Variants in TUBA4B observed in about 807,000 individuals in gnomAD.
TUBA4B encodes the protein tubulin alpha 4b.
In TUBA4B, 13 loss-of-function variants were observed where a neutral mutation model predicts 18.4. The observed-to-expected ratio is 0.71, with a 90% CI of 0.46 to 1.12. TUBA4B has a LOEUF of 1.12. Among genes scored for constraint, TUBA4B ranks in the 50% most tolerant of loss-of-function variants. The pLI is 0.00. For missense variants in TUBA4B, 244 were observed against 250.0 expected, an observed-to-expected ratio of 0.98 and a Z score of 0.16; for synonymous variants, 101 against 99.1, an observed-to-expected ratio of 1.02 and a Z score of -0.11.
At chr2:219,260,976 T>A (rs143009897) in intron 1 of TUBA4B, among the ~76,000 whole-genome samples, 3,784 of 151,638 alleles carry the variant, frequency 0.025, 141 homozygotes, top group African/African-American at 0.082. Context: ...TCTAAAAAAA[T>A]AAATAAATAA....
intron 1 of TUBA4B, among the ~76,000 whole-genome samples, chr2:219,257,641 CAAAAAAAAAAAA>C (rs1158116997): frequency 2.4e-5 from 1 of 41,488 alleles, no homozygotes; most frequent in African/African-American, 8.5e-5. Flanking sequence ...GACACTGTCT[CAAAAAAAAAAAA>C]AAAAAAAAAA....
Position 219,271,690 on chromosome 2 carries a change from C to A in TUBA4B, c.717C>A (p.Thr239=). 6.2e-7 allele frequency: 1 copy of A among 1,613,314 alleles called. No homozygotes were observed. Among genetic ancestry groups the A allele is most frequent in the Non-Finnish European group, 8.5e-7 (1 of 1,179,244 alleles). ...RLPMPALSLP[T]RW Reference sequence around the variant, plus strand: ...CAATGCCTGCTTTGAGCCTGCCAACCAGATGGTGAAGTGTGATCCCCGGCA... The same window carrying A: ...CAATGCCTGCTTTGAGCCTGCCAACAAGATGGTGAAGTGTGATCCCCGGCA... Residue 239 remains threonine (T), a synonymous_variant, in exon 4 of 4, where the codon ACC becomes ACA. Coordinates refer to ENST00000490341, the MANE Select transcript of TUBA4B (RefSeq NM_001355221.1).
chr2:219,266,707 C>T (rs1951792374), intron 2 of TUBA4B, 141 bp downstream of exon 2: 1 of 621,502 alleles, frequency 1.6e-6, no homozygotes, highest in Non-Finnish European at 2.9e-6. Context: ...GGGAAAGAGA[C>T]TTCCAGATGT....
At chr2:219,271,080 G>T in intron 3 of TUBA4B, 86 bp from the exon 4 acceptor site, 1 of 619,504 alleles carries the variant, frequency 1.6e-6, no homozygotes, top group Non-Finnish European at 2.9e-6. Flanking sequence ...TGAAACTTTT[G>T]GGAATTTAAA....
At chr2:219,260,961 C>T (rs1229388112) in intron 1 of TUBA4B, among the ~76,000 whole-genome samples, 1 of 151,824 alleles carries the variant, frequency 6.6e-6, no homozygotes, top group Non-Finnish European at 1.5e-5. Flanking sequence ...AAGAGCGAGA[C>T]TTCATCTAAA....
rs568365719 is a variant in TUBA4B, at chr2:219,255,302, G to A, written c.12+1883G>A. On this transcript the variant is annotated intron_variant, in intron 1 of 3. Transcript: ENST00000490341. Reference sequence around the variant, plus strand: ...TGCCCAGGCTGGAGTGCAATGGCACGATTTCGGCTCACCTCAACACCTGCC... The same window carrying A: ...TGCCCAGGCTGGAGTGCAATGGCACAATTTCGGCTCACCTCAACACCTGCC... 3.9e-5 allele frequency among the ~76,000 whole-genome samples: 6 copies of A among 152,310 alleles called. No individual in the cohort carries two copies. In the East Asian group the frequency reaches 7.7e-4, roughly 20 times the overall value.
At chr2:219,257,254 G>T (rs1406527065) in intron 1 of TUBA4B, among the ~76,000 whole-genome samples, 1 of 150,566 alleles carries the variant, frequency 6.6e-6, no homozygotes, top group Admixed American at 6.6e-5. Context: ...TGTTAGCCAG[G>T]ATGGTCTCGA....
chr2:219,266,845 A>T (rs1951793424), intron 2 of TUBA4B, among the ~76,000 whole-genome samples: 1 of 151,716 alleles, frequency 6.6e-6, no homozygotes, highest in Non-Finnish European at 1.5e-5. Context: ...GTCTGAATTT[A>T]GGTGTGGGGA....
rs1307499321 is a variant in TUBA4B, at chr2:219,266,509, A to G, written c.13-12A>G. 3 of 702,900 alleles carry G rather than the reference A, an allele frequency of 4.3e-6. No homozygotes were observed. The highest frequency in any genetic ancestry group is 2.7e-5 in the East Asian group (1 of 37,284). The allele number at this position is 702,900 out of a possible 1,614,324, so 43.5% of individuals were successfully genotyped here. Reference sequence around the variant, plus strand: ...GCCTCTCACAGATCTATCCCTGCTCACTATCCTGCAGCAGACAGAGAGACA... The same window carrying G: ...GCCTCTCACAGATCTATCCCTGCTCGCTATCCTGCAGCAGACAGAGAGACA... On this transcript the variant is annotated splice_polypyrimidine_tract_variant and intron_variant, in intron 1 of 3. Coordinates refer to ENST00000490341, the MANE Select transcript of TUBA4B (RefSeq NM_001355221.1).
At chr2:219,261,673 C>T (rs1411575904) in intron 1 of TUBA4B, among the ~76,000 whole-genome samples, 1 of 152,198 alleles carries the variant, frequency 6.6e-6, no homozygotes, top group African/African-American at 2.4e-5. Flanking sequence ...TCCCGTTATT[C>T]CTAGATGCCT....
chr2:219,253,848 G>A (rs777818814), intron 1 of TUBA4B: 7 of 1,503,752 alleles, frequency 4.7e-6, no homozygotes, highest in Admixed American at 2.5e-5. Context: ...CGGCCGGGCC[G>A]CACTCACCAT....
Position 219,271,678 on chromosome 2 carries a change from G to A in TUBA4B, c.705G>A (p.Leu235=). The part of the protein sequence containing the change: ...CWWQRLPMPA[L]SLPTRW ...GGCAGAGATTACCAATGCCTGCTTT[G>A]AGCCTGCCAACCAGATGGTGAAGTG... The change falls in exon 4 of 4, where the codon TTG becomes TTA. Residue 235 remains leucine (L), a synonymous_variant. Coordinates refer to ENST00000490341, the MANE Select transcript of TUBA4B (RefSeq NM_001355221.1). 2 of 1,613,552 alleles carry A rather than the reference G, an allele frequency of 1.2e-6. No individual in the cohort carries two copies. Among genetic ancestry groups the A allele is most frequent in the Non-Finnish European group, 1.7e-6 (2 of 1,179,460 alleles).
intron 3 of TUBA4B, among the ~76,000 whole-genome samples, chr2:219,270,734 G>A (rs1290916334): frequency 4.3e-5 from 6 of 140,370 alleles, no homozygotes; most frequent in Admixed American, 3.4e-4. Flanking sequence ...TGGCTTCTAC[G>A]AAGGATGGGG....
intron 1 of TUBA4B, chr2:219,253,883 C>T (rs1011203429): frequency 4.2e-6 from 6 of 1,437,592 alleles, no homozygotes; most frequent in African/African-American, 1.5e-5. Flanking sequence ...GTGCGTCTCA[C>T]GTTGAGTCGG....
intron 2 of TUBA4B, among the ~76,000 whole-genome samples, chr2:219,269,508 A>C (rs758423545): frequency 6.6e-5 from 10 of 152,214 alleles, no homozygotes; most frequent in Admixed American, 1.3e-4. Context: ...CAAGCAGAGT[A>C]GAGTCCAGGA....
chr2:219,265,466 G>A (rs1951784303), intron 1 of TUBA4B, among the ~76,000 whole-genome samples: 1 of 152,216 alleles, frequency 6.6e-6, no homozygotes, highest in African/African-American at 2.4e-5. Context: ...GTGAAACCGT[G>A]TCTCTACTAA....
At chr2:219,253,517 C>T in intron 1 of TUBA4B, 98 bp downstream of exon 1, 1 of 1,051,570 alleles carries the variant, frequency 9.5e-7, no homozygotes, top group South Asian at 1.4e-5. Flanking sequence ...AACCCGTCTT[C>T]TTTTGCCCGC....
In TUBA4B at chr2:219,253,404, G is replaced by A. The variant is rs1418165690; in HGVS notation, c.-4G>A. ...GTTGGAATGCATACACAGAGGAAAG[G>A]GGGATGCGGCACCAGGTAACCTGAC... is the stretch of plus-strand genomic sequence containing the variant. On this transcript the variant is annotated 5_prime_UTR_variant, in exon 1 of 4. Transcript: ENST00000490341. 3.3e-6 allele frequency: 5 copies of A among 1,533,424 alleles called. No individual in the cohort carries two copies. The Admixed American group carries it at 9.8e-5, about 30-fold the overall frequency. The allele number at this position is 1,533,424 out of a possible 1,614,324, so 95.0% of individuals were successfully genotyped here. A position where few individuals can be genotyped will look rare whatever the true frequency, so the allele number is the denominator to read the frequency against.
At chr2:219,269,167 A>G (rs1951809721) in intron 2 of TUBA4B, among the ~76,000 whole-genome samples, 1 of 152,056 alleles carries the variant, frequency 6.6e-6, no homozygotes, top group Non-Finnish European at 1.5e-5. Context: ...TCTGTCTCCA[A>G]TTGCATCTAT....
Sources: gnomAD v4.1 joint callset for allele counts (sites outside exome capture counted in the v4.1 genomes callset) on GRCh38, gnomAD v4.1.1 for gene constraint, MANE v1.5 for transcripts, NCBI Gene and HGNC (gene_info 2026-07-23, HGNC 2026-07-21) for gene names.